CTNNA2: variants seen among roughly 807,000 people sequenced by gnomAD.
The protein encoded by CTNNA2 is catenin alpha-2.
A neutral mutation model predicts 101.0 loss-of-function variants in CTNNA2; 42 were observed. That is an observed-to-expected ratio of 0.42 (90% confidence interval 0.32 to 0.54). The LOEUF (loss-of-function observed/expected upper bound fraction) is 0.54, where lower values mean the gene tolerates loss of function less well. Among genes scored for constraint, CTNNA2 ranks in the 20% least tolerant of loss-of-function variants. The pLI is 0.14. For missense variants in CTNNA2, 871 were observed against 1,223.1 expected (o/e 0.71, Z 4.29); for synonymous variants, 450 against 456.4 (o/e 0.99, Z 0.18).
At chr2:80,640,539 C>G (rs1424949543) in intron 18 of CTNNA2, among the ~76,000 whole-genome samples, 1 of 152,100 alleles carries the variant, frequency 6.6e-6, no homozygotes, top group Non-Finnish European at 1.5e-5. Flanking sequence ...TATTTATTAC[C>G]CTGGACTTTC....
intron 4 of CTNNA2, among the ~76,000 whole-genome samples, chr2:79,436,648 T>TC (rs1678717759): frequency 6.6e-6 from 1 of 151,778 alleles, no homozygotes; most frequent in African/African-American, 2.4e-5. Context: ...TTTTTTTTTT[T>TC]TGAGGCAGAG....
chr2:79,495,322 T>C (rs1671245392), intron 4 of CTNNA2, among the ~76,000 whole-genome samples: 1 of 152,174 alleles, frequency 6.6e-6, no homozygotes, highest in Non-Finnish European at 1.5e-5. Flanking sequence ...TCTGAATAAA[T>C]GTATTTTTAA....
chr2:79,510,665 C>T (rs1488314806), upstream of CTNNA2, among the ~76,000 whole-genome samples: 1 of 152,130 alleles, frequency 6.6e-6, no homozygotes, highest in Non-Finnish European at 1.5e-5. Flanking sequence ...TGACAGACCA[C>T]AGTTTGATGT....
intron 7 of CTNNA2, among the ~76,000 whole-genome samples, chr2:80,132,462 G>T (rs536521871): frequency 1.3e-5 from 2 of 152,186 alleles, no homozygotes; most frequent in Non-Finnish European, 2.9e-5. Context: ...ATCCGAGTAC[G>T]TGTTTATGAT....
chr2:79,797,466 C>T (rs537395270), intron 3 of CTNNA2, among the ~76,000 whole-genome samples: 11 of 152,046 alleles, frequency 7.2e-5, no homozygotes, highest in African/African-American at 2.2e-4. Context: ...CAAGACCAGC[C>T]TGACCAATAT....
chr2:79,784,342 G>C (rs548138374), intron 3 of CTNNA2, among the ~76,000 whole-genome samples: 2 of 151,738 alleles, frequency 1.3e-5, no homozygotes, highest in South Asian at 4.2e-4. Context: ...TTATGACCAC[G>C]GGAACTTCTC....
rs368684225 is a variant in CTNNA2, at chr2:79,205,193, ATAAGC to A, written c.-406+7120_-406+7124del. 9.6e-4 allele frequency among the ~76,000 whole-genome samples: 146 copies of A among 152,286 alleles called. 1 individual carries two copies. The highest frequency in any genetic ancestry group is 3.4e-3 in the Middle Eastern group (1 of 294). On this transcript the variant is annotated intron_variant, in intron 2 of 21. Transcript: ENST00000466387. ...CAGATTGGAGCTTCCATATAAAAAA[ATAAGC>A]TACCCTGAAGACACCATGCTGGAGA...
chr2:79,289,791 T>C (rs1366529237), intron 2 of CTNNA2, among the ~76,000 whole-genome samples: 1 of 152,126 alleles, frequency 6.6e-6, no homozygotes, highest in Non-Finnish European at 1.5e-5. Context: ...AAGTTCTCTG[T>C]TTAACTCCTT....
At chr2:79,671,252 G>A (rs1006718358) in intron 2 of CTNNA2, among the ~76,000 whole-genome samples, 17 of 144,058 alleles carry the variant, frequency 1.2e-4, no homozygotes, top group African/African-American at 4.1e-4. Flanking sequence ...GCCAAGGCTG[G>A]ATCACACTGT....
Position 80,232,584 on chromosome 2 carries a change from G to T in CTNNA2, c.1057-160627G>T, listed in dbSNP as rs919845233. Among the ~76,000 whole-genome samples the T allele has an allele frequency of 8.5e-5, 13 of 152,054 alleles. No homozygotes were observed. In the Middle Eastern group the frequency reaches 0.01, roughly 119 times the overall value. ...TATCAGTGAGCATGTTAACTGGAAT[G>T]TTGGATGGATTGCAAGCTTGGAGTG... On this transcript the variant is annotated intron_variant, in intron 7 of 18. Coordinates refer to ENST00000402739, the MANE Select transcript of CTNNA2 (RefSeq NM_001282597.3).
intron 1 of CTNNA2, among the ~76,000 whole-genome samples, chr2:79,632,458 A>G (rs1383308362): frequency 6.6e-6 from 1 of 152,226 alleles, no homozygotes; most frequent in African/African-American, 2.4e-5. Flanking sequence ...ATAGCTAATG[A>G]GGATCAATAA....
intron 3 of CTNNA2, among the ~76,000 whole-genome samples, chr2:79,369,817 TA>T (rs1359465242): frequency 2.6e-5 from 4 of 152,198 alleles, no homozygotes; most frequent in Non-Finnish European, 5.9e-5. Context: ...AGACACAGCT[TA>T]AGTCCCACCT....
At chr2:79,656,216 G>A (rs979074492) in intron 2 of CTNNA2, among the ~76,000 whole-genome samples, 1 of 152,070 alleles carries the variant, frequency 6.6e-6, no homozygotes. Context: ...CTTCATGATA[G>A]GACTGATGTG....
At chr2:80,111,566 T>C (rs978929330) in intron 7 of CTNNA2, among the ~76,000 whole-genome samples, 1 of 152,158 alleles carries the variant, frequency 6.6e-6, no homozygotes, top group Non-Finnish European at 1.5e-5. Context: ...TGAGACAGGA[T>C]CTAGCTTCTG....
chr2:80,346,583 C>A (rs1672755928), intron 7 of CTNNA2, among the ~76,000 whole-genome samples: 1 of 152,180 alleles, frequency 6.6e-6, no homozygotes, highest in African/African-American at 2.4e-5. Flanking sequence ...ACCTTTGTAG[C>A]TTTCTGCTTA....
rs576204300 is a variant in CTNNA2 at position 79,989,754 on chromosome 2, T to A, written c.1056+79957T>A. 4.6e-5 allele frequency among the ~76,000 whole-genome samples: 7 copies of A among 152,308 alleles called. No homozygotes were observed. In the Middle Eastern group the frequency reaches 0.01, roughly 224 times the overall value. The stretch of plus-strand genomic sequence containing the variant: ...TGGCTTCCTTATAAATTTCTTTGTT[T>A]CTTTTAGTTTTCTATGGAAACTGGA... On this transcript the variant is annotated intron_variant, in intron 7 of 18. Coordinates refer to ENST00000402739, the MANE Select transcript of CTNNA2 (RefSeq NM_001282597.3).
At chr2:79,264,858 T>G (rs1208600183) in intron 2 of CTNNA2, among the ~76,000 whole-genome samples, 1 of 152,158 alleles carries the variant, frequency 6.6e-6, no homozygotes, top group Non-Finnish European at 1.5e-5. Context: ...TTCAATGTTC[T>G]TAAGCTAAGG....
chr2:79,539,801 A>T (rs567043997), intron 1 of CTNNA2, among the ~76,000 whole-genome samples: 31 of 152,160 alleles, frequency 2.0e-4, no homozygotes, highest in African/African-American at 7.5e-4. Context: ...AACTGCATGG[A>T]AATTAGGGGG....
intron 3 of CTNNA2, among the ~76,000 whole-genome samples, chr2:79,344,812 T>TTA (rs530930277): frequency 9.1e-4 from 132 of 145,828 alleles, no homozygotes; most frequent in African/African-American, 3.1e-3. Flanking sequence ...ATATATATAT[T>TTA]TATATATATA....
Sources: gnomAD v4.1 joint callset for allele counts (sites outside exome capture counted in the v4.1 genomes callset) on GRCh38, gnomAD v4.1.1 for gene constraint, MANE v1.5 for transcripts, NCBI Gene and HGNC (gene_info 2026-07-23, HGNC 2026-07-21) for gene names.